The following RANBP17 variants were observed in gnomAD, a reference collection of about 807,000 sequenced individuals.
RANBP17 encodes the protein RAN binding protein 17, also known as ran-binding protein 17.
RANBP17 carries 158 observed loss-of-function variants against 141.2 expected under a neutral mutation model. The observed-to-expected ratio is 1.12, with a 90% CI of 0.98 to 1.28. The LOEUF is 1.28. RANBP17 is among the 50% of genes most tolerant of loss of function. The probability of loss-of-function intolerance (pLI) is 0.00; values close to 1 mark genes in which losing one functional copy is unlikely to be tolerated. For synonymous variants in RANBP17, 430 were observed against 450.0 expected (o/e 0.96, Z 0.56); for missense variants, 1,438 against 1,290.7 (o/e 1.11, Z -1.75).
intron 25 of RANBP17, among the ~76,000 whole-genome samples, chr5:171,270,975 A>G (rs1424400890): frequency 1.4e-5 from 2 of 145,284 alleles, no homozygotes; most frequent in East Asian, 4.2e-4. Flanking sequence ...CTATTTATCT[A>G]TTTTGCTCAA....
At chr5:171,063,027 T>G (rs1469609488) in intron 14 of RANBP17, among the ~76,000 whole-genome samples, 1 of 152,158 alleles carries the variant, frequency 6.6e-6, no homozygotes, top group East Asian at 1.9e-4. Context: ...CTTTAAGCAC[T>G]TCTCTGTATT....
At chr5:170,907,254 C>T (rs1771138096) in intron 5 of RANBP17, among the ~76,000 whole-genome samples, 1 of 151,816 alleles carries the variant, frequency 6.6e-6, no homozygotes, top group Admixed American at 6.6e-5. Context: ...GTAAAATATC[C>T]TGTGCCTCCA....
At chr5:171,281,536 C>T (rs1767861927) in intron 25 of RANBP17, among the ~76,000 whole-genome samples, 1 of 152,124 alleles carries the variant, frequency 6.6e-6, no homozygotes, top group African/African-American at 2.4e-5. Context: ...GCTACATGAG[C>T]CCTGAAGGCC....
At chr5:171,055,897 C>CA (rs1185355403) in intron 14 of RANBP17, among the ~76,000 whole-genome samples, 53 of 42,370 alleles carry the variant, frequency 1.3e-3, no homozygotes, top group East Asian at 5.1e-3. Context: ...AAAAAAAAAA[C>CA]AAAAAAAAAA....
intron 18 of RANBP17, among the ~76,000 whole-genome samples, chr5:171,198,271 C>T (rs56109318): frequency 6.0e-4 from 91 of 152,336 alleles, no homozygotes; most frequent in Non-Finnish European, 1.1e-3. Context: ...TTTGGTCTGC[C>T]TTACTCTTTA....
intron 12 of RANBP17, among the ~76,000 whole-genome samples, chr5:170,930,728 A>G (rs899586880): frequency 1.5e-4 from 23 of 152,114 alleles, no homozygotes; most frequent in Admixed American, 3.3e-4. Context: ...TGTCCCTATA[A>G]AGGACATGAA....
intron 1 of RANBP17, among the ~76,000 whole-genome samples, chr5:170,870,310 G>A (rs1465105136): frequency 6.6e-6 from 1 of 152,016 alleles, no homozygotes; most frequent in Non-Finnish European, 1.5e-5. Context: ...CTGTTGACCC[G>A]TCACCTAGGT....
At chr5:170,866,258 T>C (rs1450097907) in intron 1 of RANBP17, among the ~76,000 whole-genome samples, 2 of 152,184 alleles carry the variant, frequency 1.3e-5, no homozygotes, top group Admixed American at 6.5e-5. Context: ...ATGTCTCTTA[T>C]GGCAAGACCA....
intron 19 of RANBP17, 101 bp downstream of exon 19, chr5:171,199,874 T>C (rs1046953402): frequency 5.3e-6 from 3 of 567,696 alleles, no homozygotes; most frequent in Non-Finnish European, 9.2e-6. Flanking sequence ...CTTTGCCTCC[T>C]CAGACCTGCT....
intron 14 of RANBP17, among the ~76,000 whole-genome samples, chr5:171,148,613 T>G (rs11948305): frequency 0.11 from 16,625 of 150,184 alleles, 952 homozygotes; most frequent in Admixed American, 0.16. Flanking sequence ...TATATATATA[T>G]ATAGAGAGAG....
At chr5:170,921,941 T>C (rs1486579753) in intron 11 of RANBP17, among the ~76,000 whole-genome samples, 1 of 152,224 alleles carries the variant, frequency 6.6e-6, no homozygotes, top group Non-Finnish European at 1.5e-5. Flanking sequence ...GCTTTTCTGC[T>C]CTGGTTTCTC....
Position 171,251,813 on chromosome 5 carries a change from T to G in RANBP17, c.2776+8993T>G, listed in dbSNP as rs1229520938. The G allele has an allele frequency of 2.7e-5, 33 of 1,227,928 alleles. No individual in the cohort carries two copies. In the Middle Eastern group the frequency reaches 1.2e-3, roughly 46 times the overall value. The allele number at this position is 1,227,928 out of a possible 1,614,324, so 76.1% of individuals were successfully genotyped here. A position where few individuals can be genotyped will look rare whatever the true frequency, so the allele number is the denominator to read the frequency against. On this transcript the variant is annotated intron_variant, in intron 24 of 27. Coordinates refer to ENST00000523189, the MANE Select transcript of RANBP17 (RefSeq NM_022897.5). ...TGGGTGGAAGATGGTGCTGGCCGGA[T>G]GTAAATCCTAATGACAGTCTCCAAA...
At chr5:171,211,467 G>C (rs541657932) in intron 20 of RANBP17, among the ~76,000 whole-genome samples, 6 of 152,120 alleles carry the variant, frequency 3.9e-5, no homozygotes, top group African/African-American at 1.2e-4. Flanking sequence ...TCACCATGTT[G>C]CCCAGGCTGG....
chr5:171,089,460 G>C (rs887106640), intron 14 of RANBP17, among the ~76,000 whole-genome samples: 1 of 152,098 alleles, frequency 6.6e-6, no homozygotes, highest in South Asian at 2.1e-4. Flanking sequence ...AGGCAGGCAG[G>C]CCTCCTTGAG....
At chr5:171,112,987 G>A (rs550869820) in intron 14 of RANBP17, among the ~76,000 whole-genome samples, 11 of 152,166 alleles carry the variant, frequency 7.2e-5, no homozygotes, top group Non-Finnish European at 1.3e-4. Context: ...TTTAAAACTT[G>A]GGGATAAAAA....
intron 3 of RANBP17, among the ~76,000 whole-genome samples, chr5:170,885,386 T>A (rs184735684): frequency 2.0e-5 from 3 of 152,332 alleles, no homozygotes; most frequent in African/African-American, 7.2e-5. Flanking sequence ...TAGGAGATAG[T>A]GACTACACTG....
chr5:171,112,885 T>G (rs1487268657), intron 14 of RANBP17, among the ~76,000 whole-genome samples: 1 of 152,086 alleles, frequency 6.6e-6, no homozygotes, highest in Non-Finnish European at 1.5e-5. Flanking sequence ...AGAAACAAAG[T>G]AGGAAAAATC....
chr5:170,997,812 A>G (rs1472171305), intron 14 of RANBP17, among the ~76,000 whole-genome samples: 1 of 152,206 alleles, frequency 6.6e-6, no homozygotes, highest in Non-Finnish European at 1.5e-5. Context: ...ACTGTATGAC[A>G]ATAGGAGGAA....
chr5:171,012,635 C>T lies in RANBP17; in HGVS notation c.1710+44258C>T, dbSNP rs191534293. ...GAAATTGTTAAATAGTCAATTGAAACATTTTCAGTGGTCATACCCAAAGAG... is the reference window on the plus strand; with the variant it reads ...GAAATTGTTAAATAGTCAATTGAAATATTTTCAGTGGTCATACCCAAAGAG... On this transcript the variant is annotated intron_variant, in intron 14 of 27. Coordinates refer to ENST00000523189, the MANE Select transcript of RANBP17 (RefSeq NM_022897.5). Among the ~76,000 whole-genome samples, 200 of 152,204 alleles carry T rather than the reference C, an allele frequency of 1.3e-3. 1 individual carries two copies. The highest frequency in any genetic ancestry group is 2.3e-3 in the Non-Finnish European group (159 of 67,988).
Sources: gnomAD v4.1 joint callset for allele counts (sites outside exome capture counted in the v4.1 genomes callset) on GRCh38, gnomAD v4.1.1 for gene constraint, MANE v1.5 for transcripts, NCBI Gene and HGNC (gene_info 2026-07-23, HGNC 2026-07-21) for gene names.